CDYL: variants seen among roughly 807,000 people sequenced by gnomAD.
CDYL encodes the protein chromodomain Y like.
Under a neutral mutation model 47.3 loss-of-function variants are expected in CDYL, and 8 were observed. The ratio of observed to expected loss-of-function variants is 0.17; its 90% confidence interval spans 0.10 to 0.31. CDYL has a LOEUF of 0.31. CDYL is among the 10% of genes least tolerant of loss of function. CDYL has a pLI of 1.00. For missense variants in CDYL, 471 were observed against 701.4 expected (o/e 0.67, Z 3.71); for synonymous variants, 266 against 265.0 (o/e 1.00, Z -0.04).
intron 3 of CDYL, among the ~76,000 whole-genome samples, chr6:4,747,348 C>G (rs1289334970): frequency 6.6e-6 from 1 of 151,378 alleles, no homozygotes; most frequent in African/African-American, 2.4e-5. Context: ...GCATTATTAC[C>G]CAAAACATTT....
intron 2 of CDYL, among the ~76,000 whole-genome samples, chr6:4,726,809 C>T (rs1408601924): frequency 6.6e-6 from 1 of 152,076 alleles, no homozygotes; most frequent in Non-Finnish European, 1.5e-5. Flanking sequence ...GCTAATGTCT[C>T]ATGAAAAGAC....
rs1757067591 is a variant in CDYL at position 4,901,941 on chromosome 6, C to A, written c.691+9562C>A. On this transcript the variant is annotated intron_variant, in intron 2 of 6. Coordinates refer to ENST00000397588, the MANE Select transcript of CDYL (RefSeq NM_004824.4). ...CCCGCATGGAAGCAAGGTGCCCCCG[C>A]AGCTCTGGGCTGCCACCCTGACCTC... Among the ~76,000 whole-genome samples, 7 of 152,190 alleles carry A rather than the reference C, an allele frequency of 4.6e-5. No homozygotes were observed. In the South Asian group the frequency reaches 1.4e-3, roughly 31 times the overall value.
intron 1 of CDYL, among the ~76,000 whole-genome samples, chr6:4,835,038 A>C (rs146159017): frequency 6.6e-6 from 1 of 152,102 alleles, no homozygotes; most frequent in Non-Finnish European, 1.5e-5. Flanking sequence ...TGTAGCTCGT[A>C]GTTTGATCGT....
chr6:4,791,925 C>T (rs1022707401), intron 1 of CDYL, among the ~76,000 whole-genome samples: 1 of 150,456 alleles, frequency 6.6e-6, no homozygotes, highest in Non-Finnish European at 1.5e-5. Context: ...CTCTGTTGCC[C>T]AGGCTGGAGT....
rs575622060 is a variant in CDYL at position 4,835,087 on chromosome 6, C to T, written c.25-56626C>T. Among the ~76,000 whole-genome samples the T allele has an allele frequency of 2.5e-3, 380 of 152,304 alleles. 4 individuals are homozygous for T. The highest frequency in any genetic ancestry group is 1.3e-3 in the Non-Finnish European group (88 of 68,024). ...TTCTCAACTCGTCAAAGTCATTCTC[C>T]GTCCAGCTTTGTTCCATTGCTGGTG... On this transcript the variant is annotated intron_variant, in intron 1 of 6. Coordinates refer to ENST00000397588, the MANE Select transcript of CDYL (RefSeq NM_004824.4).
At chr6:4,878,817 T>A (rs1305013411) in intron 1 of CDYL, among the ~76,000 whole-genome samples, 1 of 152,156 alleles carries the variant, frequency 6.6e-6, no homozygotes, top group Non-Finnish European at 1.5e-5. Context: ...GTGCAGTTTA[T>A]TTTTCTGTTT....
chr6:4,730,381 G>A (rs1426695044), intron 2 of CDYL, among the ~76,000 whole-genome samples: 1 of 152,062 alleles, frequency 6.6e-6, no homozygotes, highest in East Asian at 1.9e-4. Context: ...AAGAGTCAAG[G>A]AAATGTGAAG....
At chr6:4,799,246 C>T (rs1759157728) in intron 1 of CDYL, among the ~76,000 whole-genome samples, 1 of 151,996 alleles carries the variant, frequency 6.6e-6, no homozygotes, top group South Asian at 2.1e-4. Flanking sequence ...TTTTGAATTC[C>T]ATTGTAGTCA....
chr6:4,716,092 C>A (rs1303115375), intron 2 of CDYL, among the ~76,000 whole-genome samples: 2 of 151,630 alleles, frequency 1.3e-5, no homozygotes, highest in African/African-American at 4.9e-5. Flanking sequence ...ACTAAAAATA[C>A]AAAAAAATTA....
intron 1 of CDYL, among the ~76,000 whole-genome samples, chr6:4,794,718 AT>A (rs1759022740): frequency 6.6e-6 from 1 of 152,118 alleles, no homozygotes; most frequent in Admixed American, 6.5e-5. Context: ...ATGTTTTGTT[AT>A]GAACCTTTTG....
chr6:4,928,447 G>A (rs765902674), intron 2 of CDYL, among the ~76,000 whole-genome samples: 13 of 152,086 alleles, frequency 8.5e-5, no homozygotes, highest in Non-Finnish European at 1.8e-4. Flanking sequence ...CTGTTGTTTA[G>A]TATGTTTTTG....
chr6:4,815,558 A>T (rs1759647895), intron 1 of CDYL, among the ~76,000 whole-genome samples: 1 of 152,188 alleles, frequency 6.6e-6, no homozygotes, highest in Non-Finnish European at 1.5e-5. Context: ...TCATACTCAC[A>T]GATTGAGTGC....
At chr6:4,844,749 G>A (rs1760603669) in intron 1 of CDYL, among the ~76,000 whole-genome samples, 1 of 151,930 alleles carries the variant, frequency 6.6e-6, no homozygotes, top group Non-Finnish European at 1.5e-5. Context: ...GTTTATTTGT[G>A]CTGAGGTAAG....
At chr6:4,929,523 C>CACACACACACACACAT (rs1392146007) in intron 2 of CDYL, among the ~76,000 whole-genome samples, 1 of 148,264 alleles carries the variant, frequency 6.7e-6, no homozygotes, top group Non-Finnish European at 1.5e-5. Flanking sequence ...CACACACACA[C>CACACACACACACACAT]ACATACATAC....
chr6:4,840,476 G>T (rs1191907235), intron 1 of CDYL, among the ~76,000 whole-genome samples: 3 of 152,110 alleles, frequency 2.0e-5, no homozygotes, highest in Non-Finnish European at 4.4e-5. Context: ...TCCTCGTCTT[G>T]TTCCAGTTCT....
intron 1 of CDYL, among the ~76,000 whole-genome samples, chr6:4,837,073 T>G (rs1020467501): frequency 1.3e-5 from 2 of 152,218 alleles, no homozygotes; most frequent in African/African-American, 4.8e-5. Flanking sequence ...AGACACTCTC[T>G]TGCTGAATAA....
chr6:4,734,311 C>G lies in CDYL; in HGVS notation c.104-451C>G, dbSNP rs545432388. 7.9e-4 allele frequency among the ~76,000 whole-genome samples: 120 copies of G among 152,288 alleles called. 2 individuals are homozygous for G. The highest frequency in any genetic ancestry group is 7.8e-3 in the Admixed American group (119 of 15,298). On this transcript the variant is annotated intron_variant, in intron 2 of 8. Coordinates refer to the CDYL transcript ENST00000328908. ...GAGGGTCTCTCCAGGGCACTGTTGT[C>G]TGATGCATACTGGGTCATCTCAGAG...
At chr6:4,809,531 T>C (rs1017018248) in intron 1 of CDYL, among the ~76,000 whole-genome samples, 2 of 151,926 alleles carry the variant, frequency 1.3e-5, no homozygotes, top group Non-Finnish European at 2.9e-5. Flanking sequence ...CTTTGTATGG[T>C]AGGGGTATTA....
chr6:4,953,276 C>G (rs1758764592), intron 6 of CDYL, among the ~76,000 whole-genome samples: 1 of 151,546 alleles, frequency 6.6e-6, no homozygotes, highest in African/African-American at 2.4e-5. Context: ...CCCAACTACT[C>G]GAGAGGCTGA....
Sources: allele counts gnomAD v4.1 joint callset (sites outside exome capture counted in the v4.1 genomes callset), GRCh38; gene constraint gnomAD v4.1.1; transcripts MANE v1.5; gene names NCBI Gene and HGNC (gene_info 2026-07-23, HGNC 2026-07-21).